Variants in ARHGAP10 observed in about 807,000 individuals in gnomAD.
ARHGAP10 encodes Rho GTPase activating protein 10.
ARHGAP10 carries 87 observed loss-of-function variants against 108.6 expected under a neutral mutation model. The observed-to-expected ratio is 0.80, with a 90% CI of 0.67 to 0.96. The LOEUF (loss-of-function observed/expected upper bound fraction) is 0.96, where lower values mean the gene tolerates loss of function less well. Ranked by LOEUF, ARHGAP10 falls within the 40% of genes least tolerant of loss-of-function variation. The probability of loss-of-function intolerance (pLI) is 0.00; values close to 1 mark genes in which losing one functional copy is unlikely to be tolerated. For missense variants in ARHGAP10, 939 were observed against 954.5 expected (o/e 0.98, Z 0.21); for synonymous variants, 347 against 341.1 (o/e 1.02, Z -0.19).
At chr4:147,885,749 T>C (rs533304581) in intron 10 of ARHGAP10, among the ~76,000 whole-genome samples, 65 of 152,370 alleles carry the variant, frequency 4.3e-4, no homozygotes, top group African/African-American at 1.5e-3. Flanking sequence ...AGTTCAGCTG[T>C]TGCTCCTTTA....
intron 13 of ARHGAP10, among the ~76,000 whole-genome samples, chr4:147,932,692 A>C (rs1042396507): frequency 1.3e-5 from 2 of 152,124 alleles, no homozygotes; most frequent in Non-Finnish European, 2.9e-5. Context: ...AAGAATAGCT[A>C]ATGGATGCTG....
At chr4:148,071,906 C>T in intron 22 of ARHGAP10, 87 bp from the exon 23 acceptor site, 1 of 1,124,696 alleles carries the variant, frequency 8.9e-7, no homozygotes. Flanking sequence ...CTCTACTGGC[C>T]ACTCCCTGCT....
intron 5 of ARHGAP10, among the ~76,000 whole-genome samples, chr4:147,859,417 C>T (rs1319725079): frequency 2.6e-5 from 4 of 151,888 alleles, no homozygotes; most frequent in Non-Finnish European, 2.9e-5. Context: ...GGATTACAGG[C>T]GCCCACTACC....
At chr4:147,760,047 G>A (rs1220284636) in intron 1 of ARHGAP10, among the ~76,000 whole-genome samples, 1 of 152,188 alleles carries the variant, frequency 6.6e-6, no homozygotes, top group African/African-American at 2.4e-5. Flanking sequence ...ACTGGGCCTG[G>A]CCTTTTACTG....
In ARHGAP10 at chr4:147,879,301, A is replaced by G. The variant is rs141883900; in HGVS notation, c.902A>G (p.Asn301Ser). Residue 301 changes from asparagine to serine, a missense_variant, in exon 9 of 23, where the codon AAC becomes AGC. By Grantham distance (46) the Asn-to-Ser change is conservative. Transcript: ENST00000336498. Reference sequence around the variant, plus strand: ...TATCGAAAAGCAGCAAAGAAGTTCAACATGATCCCATTTGAGCACAGATCT... The same window carrying G: ...TATCGAAAAGCAGCAAAGAAGTTCAGCATGATCCCATTTGAGCACAGATCT... ...CMYRKAAKKF[N>S]MIPFEHRSGG... is the part of the protein sequence containing the mutation. 43 of 1,614,102 alleles carry G rather than the reference A, an allele frequency of 2.7e-5. No individual in the cohort carries two copies. The African/African-American group carries it at 3.5e-4, about 13-fold the overall frequency.
At chr4:147,823,443 A>G (rs1732586705) in intron 3 of ARHGAP10, among the ~76,000 whole-genome samples, 1 of 152,148 alleles carries the variant, frequency 6.6e-6, no homozygotes, top group South Asian at 2.1e-4. Context: ...ATCAAGATTC[A>G]TGATCATAAC....
intron 1 of ARHGAP10, among the ~76,000 whole-genome samples, chr4:147,776,992 TG>T (rs1319934271): frequency 1.1e-4 from 16 of 152,208 alleles, no homozygotes; most frequent in African/African-American, 3.9e-4. Flanking sequence ...TGGAGATAAG[TG>T]GCTATATTCA....
chr4:147,850,324 A>G (rs995737580), intron 4 of ARHGAP10, among the ~76,000 whole-genome samples: 11 of 152,210 alleles, frequency 7.2e-5, no homozygotes, highest in Non-Finnish European at 1.3e-4. Context: ...CAGCAGGGGC[A>G]ATGCTTGGGT....
rs147696885 is a variant in ARHGAP10, at chr4:147,968,522, C to A, written c.1716+1683C>A. 3.2e-3 allele frequency among the ~76,000 whole-genome samples: 494 copies of A among 152,320 alleles called. 1 individual carries two copies. The highest frequency in any genetic ancestry group is 0.011 in the African/African-American group (465 of 41,570). ...GTTCTAACAGTTTCAGTGGGCTCACCTGCATTCCTGAATCTGTGGACTGTA... is the reference window on the plus strand; with the variant it reads ...GTTCTAACAGTTTCAGTGGGCTCACATGCATTCCTGAATCTGTGGACTGTA... On this transcript the variant is annotated intron_variant, in intron 18 of 22. Transcript: ENST00000336498.
intron 13 of ARHGAP10, among the ~76,000 whole-genome samples, chr4:147,926,901 G>A (rs940736696): frequency 2.0e-5 from 3 of 152,178 alleles, no homozygotes; most frequent in South Asian, 2.1e-4. Flanking sequence ...AGATAATAGC[G>A]AGGTTGTACT....
chr4:148,059,787 G>A (rs1009563882), intron 20 of ARHGAP10, among the ~76,000 whole-genome samples: 2 of 152,134 alleles, frequency 1.3e-5, no homozygotes, highest in Non-Finnish European at 2.9e-5. Context: ...CGTGGGACTC[G>A]CGGTCAGAGC....
intron 19 of ARHGAP10, among the ~76,000 whole-genome samples, chr4:148,031,503 T>A (rs1355274561): frequency 6.6e-6 from 1 of 152,200 alleles, no homozygotes; most frequent in Non-Finnish European, 1.5e-5. Context: ...GCAGTCTGAT[T>A]CCAGGGTCTG....
intron 18 of ARHGAP10, among the ~76,000 whole-genome samples, chr4:148,002,534 A>G (rs1332000678): frequency 6.6e-6 from 1 of 152,104 alleles, no homozygotes; most frequent in African/African-American, 2.4e-5. Context: ...CTGTGAATCC[A>G]TCTGGTCCTG....
intron 1 of ARHGAP10, among the ~76,000 whole-genome samples, chr4:147,796,379 T>TAGTG: frequency 6.6e-6 from 1 of 152,080 alleles, no homozygotes; most frequent in Non-Finnish European, 1.5e-5. Context: ...TTTAAAAGCG[T>TAGTG]AGTGGAAGGA....
chr4:147,764,595 G>A (rs191972113), intron 1 of ARHGAP10, among the ~76,000 whole-genome samples: 1 of 152,160 alleles, frequency 6.6e-6, no homozygotes, highest in East Asian at 1.9e-4. Context: ...GTGCAGTGGC[G>A]TGATCTCAAC....
At chr4:147,866,929 G>C in intron 7 of ARHGAP10, 113 bp downstream of exon 7, 1 of 859,546 alleles carries the variant, frequency 1.2e-6, no homozygotes, top group African/African-American at 1.7e-5. Flanking sequence ...TTTGTACTGA[G>C]AAACTGAGGG....
chr4:148,071,174 C>T (rs376967435), intron 22 of ARHGAP10, among the ~76,000 whole-genome samples: 6 of 152,240 alleles, frequency 3.9e-5, no homozygotes, highest in African/African-American at 1.4e-4. Flanking sequence ...GAAGCCACTG[C>T]ACTTGCAAAG....
intron 4 of ARHGAP10, among the ~76,000 whole-genome samples, chr4:147,850,399 C>G (rs1331940689): frequency 6.6e-6 from 1 of 152,220 alleles, no homozygotes; most frequent in Non-Finnish European, 1.5e-5. Context: ...GCTGCTCACT[C>G]TTTGGGTCCA....
chr4:147,896,697 A>T (rs1736004874), intron 10 of ARHGAP10, among the ~76,000 whole-genome samples: 1 of 151,922 alleles, frequency 6.6e-6, no homozygotes, highest in Non-Finnish European at 1.5e-5. Context: ...TCATTCCCTA[A>T]GTTAGAAGCA....
Sources: gnomAD v4.1 joint callset for allele counts (sites outside exome capture counted in the v4.1 genomes callset) on GRCh38, gnomAD v4.1.1 for gene constraint, MANE v1.5 for transcripts, NCBI Gene and HGNC (gene_info 2026-07-23, HGNC 2026-07-21) for gene names.